Variants in ZKSCAN2 observed in about 807,000 individuals in gnomAD.
The protein encoded by ZKSCAN2 is zinc finger with KRAB and SCAN domains 2.
A neutral mutation model predicts 90.5 loss-of-function variants in ZKSCAN2; 38 were observed. That is an observed-to-expected ratio of 0.42 (90% CI 0.32 to 0.55). The LOEUF (loss-of-function observed/expected upper bound fraction) is 0.55. Ranked by LOEUF, ZKSCAN2 falls within the 20% of genes least tolerant of loss-of-function variation. The pLI, the probability that ZKSCAN2 is intolerant of heterozygous loss-of-function variation, is 0.11. For synonymous variants in ZKSCAN2, 429 were observed against 421.6 expected, an observed-to-expected ratio of 1.02 and a Z score of -0.22; for missense variants, 1,167 against 1,202.6, an observed-to-expected ratio of 0.97 and a Z score of 0.44.
Position 25,244,213 on chromosome 16 carries a change from T to C in ZKSCAN2, c.1553A>G (p.Tyr518Cys). The change falls in exon 6 of 7, where the codon TAT becomes TGT. Residue 518 changes from tyrosine to cysteine, a missense_variant. Tyr to Cys is a radical substitution (Grantham distance 194). Transcript: ENST00000328086. ...CCGATGACAGGCTTGAAGCGCTTCA[T>C]AAAACCGAGTCTCACGGAGGATATC... ...FLDILRETRF[Y>C]EALQACHRKS... 6.2e-7 allele frequency: 1 copy of C among 1,614,156 alleles called. No homozygotes were observed. The highest frequency in any genetic ancestry group is 8.5e-7 in the Non-Finnish European group (1 of 1,180,016).
intron 1 of ZKSCAN2, among the ~76,000 whole-genome samples, chr16:25,255,768 A>T (rs963502401): frequency 1.3e-5 from 2 of 152,116 alleles, no homozygotes; most frequent in South Asian, 4.1e-4. Context: ...TTTTTAGTAG[A>T]GATGGGGTTT....
Position 25,243,770 on chromosome 16 carries a change from G to GGTTTTGCACCAAAACTCCTTT in ZKSCAN2, c.1981+14_1981+15insAAAGGAGTTTTGGTGCAAAAC. The GGTTTTGCACCAAAACTCCTTT allele has an allele frequency of 6.3e-7, 1 of 1,579,900 alleles. No individual in the cohort carries two copies. Among genetic ancestry groups the GGTTTTGCACCAAAACTCCTTT allele is most frequent in the South Asian group, 1.2e-5 (1 of 85,786 alleles). On this transcript the variant is annotated intron_variant, in intron 6 of 6. Transcript: ENST00000328086. ...TTCCTCTTTTGGACTAAAACTCCTT[G>GGTTTTGCACCAAAACTCCTTT]GTTTTGCACCTTACCATTTGGGCTC...
chr16:25,239,701 T>C lies in ZKSCAN2; in HGVS notation c.*115A>G. ...GAACAGGATGAAAGTGTTTAGTTTA[T>C]TTATATTCTCAAGTTTATCTTGGAA... On this transcript the variant is annotated 3_prime_UTR_variant, in exon 7 of 7. Transcript: ENST00000328086. 1.1e-6 allele frequency: 1 copy of C among 919,434 alleles called. No homozygotes were observed. Among genetic ancestry groups the C allele is most frequent in the African/African-American group, 1.7e-5 (1 of 59,746 alleles). The allele number at this position is 919,434 out of a possible 1,614,324, so 57.0% of individuals were successfully genotyped here. A position where few individuals can be genotyped will look rare whatever the true frequency, so the allele number is the denominator to read the frequency against.
intron 6 of ZKSCAN2, 56 bp from the exon 7 acceptor site, chr16:25,240,794 A>C (rs1962841342): frequency 2.0e-6 from 3 of 1,494,560 alleles, no homozygotes; most frequent in Non-Finnish European, 2.7e-6. Flanking sequence ...AACCATAAAC[A>C]ACCTGGCTTG....
At chr16:25,251,135 T>C (rs1374931611) in intron 4 of ZKSCAN2, among the ~76,000 whole-genome samples, 1 of 152,090 alleles carries the variant, frequency 6.6e-6, no homozygotes, top group Non-Finnish European at 1.5e-5. Flanking sequence ...TAGAAGAACC[T>C]AATTTCCAAA....
chr16:25,257,166 T>C lies in ZKSCAN2; in HGVS notation c.-39A>G. The C allele has an allele frequency of 6.5e-7, 1 of 1,539,268 alleles. No individual in the cohort carries two copies. Among genetic ancestry groups the C allele is most frequent in the Non-Finnish European group, 8.7e-7 (1 of 1,145,700 alleles). ...GGTCAACTTCACGTCTAGCTCAAGG[T>C]GGGGACCCAAAGAAGACTCCAAGCG... On this transcript the variant is annotated 5_prime_UTR_variant, in exon 1 of 7. Transcript: ENST00000328086.
Position 25,257,190 on chromosome 16 carries a change from C to T in ZKSCAN2, c.-63G>A. 6.6e-7 allele frequency: 1 copy of T among 1,521,316 alleles called. No individual in the cohort carries two copies. Among genetic ancestry groups the T allele is most frequent in the Non-Finnish European group, 8.8e-7 (1 of 1,139,530 alleles). The allele number at this position is 1,521,316 out of a possible 1,614,324, so 94.2% of individuals were successfully genotyped here. A position where few individuals can be genotyped will look rare whatever the true frequency, so the allele number is the denominator to read the frequency against. On this transcript the variant is annotated 5_prime_UTR_variant, in exon 1 of 7. Transcript: ENST00000328086. ...GTGGGGACCCAAAGAAGACTCCAAG[C>T]GCTCCCTGCTTAATGTTCCTGGGAG...
At position 25,240,508 on chromosome 16, in the gene ZKSCAN2, G is replaced by A. The variant is rs1962835667; in HGVS notation, c.2212C>T (p.His738Tyr). 6.2e-7 allele frequency: 1 copy of A among 1,613,998 alleles called. No individual in the cohort carries two copies. Among genetic ancestry groups the A allele is most frequent in the South Asian group, 1.1e-5 (1 of 91,080 alleles). ...QPRDLGKAVV[H>Y]QRPFVGKRPY... ...CTCTTCCCCACAAAAGGCCTCTGAT[G>A]CACAACGGCTTTCCCTAAATCTCTA... Residue 738 changes from histidine to tyrosine, a missense_variant, in exon 7 of 7, where the codon CAT (histidine) becomes TAT (tyrosine). His to Tyr is a moderately conservative substitution (Grantham distance 83). Coordinates refer to ENST00000328086, the MANE Select transcript of ZKSCAN2 (RefSeq NM_001012981.5).
Position 25,244,167 on chromosome 16 carries a change from A to G in ZKSCAN2, c.1599T>C (p.Ala533=), listed in dbSNP as rs754929021. 8 of 1,614,036 alleles carry G rather than the reference A, an allele frequency of 5.0e-6. No homozygotes were observed. Among genetic ancestry groups the G allele is most frequent in the Non-Finnish European group, 6.8e-6 (8 of 1,180,026 alleles). ...ACHRKSKLYG[A]VAEQLRECGF... ...CGCACTCTCGAAGCTGTTCAGCTACAGCCCCATACAATTTGCTCTTCCGAT... is the reference window on the plus strand; with the variant it reads ...CGCACTCTCGAAGCTGTTCAGCTACGGCCCCATACAATTTGCTCTTCCGAT... The change falls in exon 6 of 7, where the codon GCT becomes GCC. Residue 533 remains alanine (A), a synonymous_variant. Coordinates refer to ENST00000328086, the MANE Select transcript of ZKSCAN2 (RefSeq NM_001012981.5).
chr16:25,255,493 G>A, intron 1 of ZKSCAN2, 101 bp from the exon 2 acceptor site: 1 of 1,322,038 alleles, frequency 7.6e-7, no homozygotes. Context: ...GACATGAGAA[G>A]GAATGAAAAT....
intron 6 of ZKSCAN2, among the ~76,000 whole-genome samples, chr16:25,242,353 T>A (rs1345752679): frequency 6.6e-6 from 1 of 152,218 alleles, no homozygotes; most frequent in Non-Finnish European, 1.5e-5. Context: ...CAGGACTTAA[T>A]TCAAGCCTTC....
chr16:25,243,844 TC>T lies in ZKSCAN2; in HGVS notation c.1921del (p.Glu641ArgfsTer35). The T allele has an allele frequency of 6.2e-7, 1 of 1,614,170 alleles. No homozygotes were observed. Among genetic ancestry groups the T allele is most frequent in the Non-Finnish European group, 8.5e-7 (1 of 1,180,032 alleles). On this transcript the variant is annotated frameshift_variant, in exon 6 of 7. Coordinates refer to ENST00000328086, the MANE Select transcript of ZKSCAN2 (RefSeq NM_001012981.5). LOFTEE classifies it high-confidence loss of function. Reference sequence around the variant, plus strand: ...GAACTCTGGCTCTTGCACAATTTCCTCCTCGCTCATTCTCTCACTGCAAGAG... The same window carrying T: ...GAACTCTGGCTCTTGCACAATTTCCTCTCGCTCATTCTCTCACTGCAAGAG... ...EDSCSERMSEEEIVQEPEFQG... is the reference protein window; with the variant it reads ...EDSCSERMSEXEIVQEPEFQG...
intron 1 of ZKSCAN2, 133 bp downstream of exon 1, chr16:25,256,596 C>T (rs988478752): frequency 1.1e-6 from 1 of 908,196 alleles, no homozygotes. Context: ...GTGAAAAGAC[C>T]CCCTTATAGG....
rs370048084 is a variant in ZKSCAN2, at chr16:25,251,890, A to G, written c.805+19T>C. 69 of 1,612,256 alleles carry G rather than the reference A, an allele frequency of 4.3e-5. No individual in the cohort carries two copies. The highest frequency in any genetic ancestry group is 5.6e-5 in the Non-Finnish European group (66 of 1,179,354). Reference sequence around the variant, plus strand: ...AGAAAGCTCCAAGTCTTATATTTGGAAAGGGAAGGAATCCTTACCCAGGGA... The same window carrying G: ...AGAAAGCTCCAAGTCTTATATTTGGGAAGGGAAGGAATCCTTACCCAGGGA... On this transcript the variant is annotated intron_variant, in intron 4 of 6. Transcript: ENST00000328086.
chr16:25,240,497 A>G lies in ZKSCAN2; in HGVS notation c.2223T>C (p.Pro741=). ...DLGKAVVHQR[P]FVGKRPYRLL... ...GTCTGTAGGGTCTCTTCCCCACAAA[A>G]GGCCTCTGATGCACAACGGCTTTCC... Residue 741 remains proline (P), a synonymous_variant, in exon 7 of 7, where the codon CCT becomes CCC. Coordinates refer to ENST00000328086, the MANE Select transcript of ZKSCAN2 (RefSeq NM_001012981.5). 1 of 1,614,154 alleles carries G rather than the reference A, an allele frequency of 6.2e-7. No homozygotes were observed. The highest frequency in any genetic ancestry group is 1.1e-5 in the South Asian group (1 of 91,076).
At position 25,243,867 on chromosome 16, in the gene ZKSCAN2, A is replaced by G. The variant is rs1962889990; in HGVS notation, c.1899T>C (p.Ser633=). The G allele has an allele frequency of 1.2e-6, 2 of 1,613,996 alleles. No homozygotes were observed. The highest frequency in any genetic ancestry group is 2.2e-5 in the East Asian group (1 of 44,860). Residue 633 remains serine, a synonymous_variant, in exon 6 of 7, where the codon TCT becomes TCC. Coordinates refer to ENST00000328086, the MANE Select transcript of ZKSCAN2 (RefSeq NM_001012981.5). ...CCTCCTCGCTCATTCTCTCACTGCA[A>G]GAGTCTTCTATTACTGCCTCCTGTG... ...ETSQEAVIED[S]CSERMSEEEI...
In ZKSCAN2 at chr16:25,244,184, T is replaced by A. The variant is rs778491540; in HGVS notation, c.1582A>T (p.Ser528Cys). The A allele has an allele frequency of 6.2e-7, 1 of 1,614,140 alleles. No individual in the cohort carries two copies. Among genetic ancestry groups the A allele is most frequent in the Non-Finnish European group, 8.5e-7 (1 of 1,180,020 alleles). Reference protein sequence around the residue: ...YEALQACHRKSKLYGAVAEQL... With the variant: ...YEALQACHRKCKLYGAVAEQL... Reference sequence around the variant, plus strand: ...TCAGCTACAGCCCCATACAATTTGCTCTTCCGATGACAGGCTTGAAGCGCT... The same window carrying A: ...TCAGCTACAGCCCCATACAATTTGCACTTCCGATGACAGGCTTGAAGCGCT... Residue 528 changes from serine (S) to cysteine (C), a missense_variant, in exon 6 of 7, where the codon AGC (serine) becomes TGC (cysteine). Coordinates refer to ENST00000328086, the MANE Select transcript of ZKSCAN2 (RefSeq NM_001012981.5).
chr16:25,254,596 A>G (rs1480060998), intron 2 of ZKSCAN2, among the ~76,000 whole-genome samples: 1 of 151,836 alleles, frequency 6.6e-6, no homozygotes, highest in Non-Finnish European at 1.5e-5. Flanking sequence ...ATCTTATTTT[A>G]TTTTTTTGTA....
In ZKSCAN2 at chr16:25,244,020, C is replaced by A. The variant is rs1419386282; in HGVS notation, c.1746G>T (p.Leu582=). ...AAGGAGCAGATGCCCGAGAGTTAAT[C>A]AGGGCATCCATCTCCTTGTAGAACG... The part of the protein sequence containing the change: ...SCAFYKEMDA[L]INSRASAPSP... The change falls in exon 6 of 7, where the codon CTG becomes CTT. Residue 582 remains leucine (L), a synonymous_variant. Transcript: ENST00000328086. 6.2e-7 allele frequency: 1 copy of A among 1,614,052 alleles called. No homozygotes were observed. The highest frequency in any genetic ancestry group is 1.3e-5 in the African/African-American group (1 of 74,918).
Sources: allele counts gnomAD v4.1 joint callset (sites outside exome capture counted in the v4.1 genomes callset), GRCh38; gene constraint gnomAD v4.1.1; transcripts MANE v1.5; gene names NCBI Gene and HGNC (gene_info 2026-07-23, HGNC 2026-07-21).